The following FANCD2 variants were observed in gnomAD, a reference collection of about 807,000 sequenced individuals.
FANCD2 encodes FA complementation group D2.
FANCD2 carries 131 observed loss-of-function variants against 192.3 expected under a neutral mutation model. The observed-to-expected ratio is 0.68, with a 90% CI of 0.59 to 0.79. FANCD2 has a LOEUF of 0.79. Among genes scored for constraint, FANCD2 ranks in the 30% least tolerant of loss-of-function variants. The probability of loss-of-function intolerance (pLI) is 0.00; values close to 1 mark genes in which losing one functional copy is unlikely to be tolerated. For synonymous variants in FANCD2, 524 were observed against 612.5 expected (o/e 0.86, Z 2.13); for missense variants, 1,508 against 1,701.6 (o/e 0.89, Z 2.00).
At chr3:10,042,814 G>A (rs1423037984) in intron 11 of FANCD2, 151 bp downstream of exon 11, 1 of 788,678 alleles carries the variant, frequency 1.3e-6, no homozygotes, top group African/African-American at 1.7e-5. Flanking sequence ...ATCTATATAA[G>A]CTGCTATAAG....
At chr3:10,037,543 A>G (rs1057323264) in intron 7 of FANCD2, 3 of 152,246 alleles carry the variant, frequency 2.0e-5, no homozygotes, top group African/African-American at 4.8e-5. Flanking sequence ...ATGAAATAAT[A>G]TTAGTTTAGT....
intron 14 of FANCD2, among the ~76,000 whole-genome samples, chr3:10,046,220 A>ATTTTTT (rs1226679516): frequency 1.3e-5 from 2 of 151,610 alleles, no homozygotes; most frequent in Non-Finnish European, 2.9e-5. Context: ...CACCCGGCTA[A>ATTTTTT]TTTTTTGTAT....
At position 10,065,427 on chromosome 3, in the gene FANCD2, C is replaced by T; in HGVS notation, c.2202C>T (p.Phe734=). The T allele has an allele frequency of 1.9e-6, 3 of 1,613,970 alleles. No individual in the cohort carries two copies. Among genetic ancestry groups the T allele is most frequent in the Non-Finnish European group, 2.5e-6 (3 of 1,179,850 alleles). Residue 734 remains phenylalanine, a synonymous_variant, in exon 24 of 44, where the codon TTC becomes TTT. Transcript: ENST00000675286. ...LVSPLCLAPY[F]RLLRLCVERQ... ...CTCCGCTGTGCCTGGCTCCGTATTT[C>T]CGGTTACTGAGACTTTGTGTGGAGA...
intron 3 of FANCD2, among the ~76,000 whole-genome samples, chr3:10,033,899 G>C (rs575896189): frequency 6.6e-6 from 1 of 150,706 alleles, no homozygotes; most frequent in Non-Finnish European, 1.5e-5. Flanking sequence ...GAGTTTCACC[G>C]TGTTAGCCAG....
chr3:10,091,681 T>C (rs1355517966), intron 37 of FANCD2, among the ~76,000 whole-genome samples: 1 of 150,638 alleles, frequency 6.6e-6, no homozygotes, highest in Non-Finnish European at 1.5e-5. Context: ...CACCTCTAAC[T>C]AGAGGGAAAG....
At position 10,087,060 on chromosome 3, in the gene FANCD2, G is replaced by A. The variant is rs34197804; in HGVS notation, c.3336-74G>A. The A allele has an allele frequency of 5.7e-3, 8,837 of 1,540,542 alleles. 40 individuals carry two copies. The highest frequency in any genetic ancestry group is 8.4e-3 in the South Asian group (753 of 89,222). Reference sequence around the variant, plus strand: ...CAAACACTGAAAGGGACTTGGGCACGTCATGTGGATTTAAATATATCTGTG... The same window carrying A: ...CAAACACTGAAAGGGACTTGGGCACATCATGTGGATTTAAATATATCTGTG... On this transcript the variant is annotated intron_variant, in intron 33 of 43. Coordinates refer to ENST00000675286, the MANE Select transcript of FANCD2 (RefSeq NM_001018115.3).
At position 10,066,043 on chromosome 3, in the gene FANCD2, G is replaced by C; in HGVS notation, c.2385+64G>C. ...AGTTTTTCTCAAAACTATTTTCTTAGTTCCCACAAGACTCCCTAGAAGTCT... is the reference window on the plus strand; with the variant it reads ...AGTTTTTCTCAAAACTATTTTCTTACTTCCCACAAGACTCCCTAGAAGTCT... On this transcript the variant is annotated intron_variant, in intron 25 of 43. Transcript: ENST00000675286. 4.8e-6 allele frequency: 5 copies of C among 1,042,800 alleles called. No homozygotes were observed. The South Asian group carries it at 6.6e-5, about 14-fold the overall frequency. The allele number at this position is 1,042,800 out of a possible 1,614,324, so 64.6% of individuals were successfully genotyped here.
rs886057694 is a variant in FANCD2, at chr3:10,099,072, C to T, written c.4281+257C>T. On this transcript the variant is annotated intron_variant, in intron 43 of 43. Transcript: ENST00000675286. ...GAGTTGACAATTTTCTGCATTATAGCCTCTCATTTTCCATGAATTCATATC... is the reference window on the plus strand; with the variant it reads ...GAGTTGACAATTTTCTGCATTATAGTCTCTCATTTTCCATGAATTCATATC... 219 of 1,558,466 alleles carry T rather than the reference C, an allele frequency of 1.4e-4. No homozygotes were observed. Among genetic ancestry groups the T allele is most frequent in the Admixed American group, 7.1e-4 (37 of 51,972 alleles).
intron 26 of FANCD2, among the ~76,000 whole-genome samples, chr3:10,069,580 G>A (rs1442209301): frequency 6.7e-6 from 1 of 150,206 alleles, no homozygotes; most frequent in Non-Finnish European, 1.5e-5. Context: ...TCCTGCCTCA[G>A]CCTGCCGAGT....
At chr3:10,092,141 G>T in intron 37 of FANCD2, 40 bp from the exon 38 acceptor site, 1 of 1,307,232 alleles carries the variant, frequency 7.6e-7, no homozygotes, top group Non-Finnish European at 1.1e-6. Flanking sequence ...GGAAGTATTT[G>T]GCTGTGACTC....
chr3:10,085,791 C>A, intron 32 of FANCD2, 21 bp from the exon 33 acceptor site: 2 of 1,530,968 alleles, frequency 1.3e-6, no homozygotes, highest in East Asian at 4.5e-5. Flanking sequence ...AAGCTAACCC[C>A]TCTTACCTTG....
chr3:10,098,982 C>T, intron 43 of FANCD2, 167 bp downstream of exon 43: 1 of 1,614,002 alleles, frequency 6.2e-7, no homozygotes, highest in South Asian at 1.1e-5. Context: ...TTTTGGGACC[C>T]AGAAGAAACA....
chr3:10,061,371 C>T (rs960833487), intron 19 of FANCD2, among the ~76,000 whole-genome samples: 7 of 151,878 alleles, frequency 4.6e-5, no homozygotes, highest in African/African-American at 1.7e-4. Flanking sequence ...AGTCATCACT[C>T]CCCTGTGACA....
intron 37 of FANCD2, among the ~76,000 whole-genome samples, chr3:10,090,856 CAA>C (rs1694561787): frequency 1.3e-5 from 2 of 151,500 alleles, no homozygotes; most frequent in Admixed American, 6.6e-5. Context: ...GATTTTTTTT[CAA>C]AGAGTTCCTA....
chr3:10,069,698 G>C (rs1000804906), intron 26 of FANCD2, among the ~76,000 whole-genome samples: 2 of 152,102 alleles, frequency 1.3e-5, no homozygotes, highest in East Asian at 1.9e-4. Context: ...TCCTAACCGC[G>C]AGTGATCCGC....
intron 14 of FANCD2, 193 bp from the exon 15 acceptor site, chr3:10,046,387 A>G: frequency 3.5e-6 from 3 of 856,764 alleles, no homozygotes; most frequent in Non-Finnish European, 5.3e-6. Flanking sequence ...AATGGTTAAC[A>G]GTTGTGGCAC....
chr3:10,052,485 C>A lies in FANCD2; in HGVS notation c.1644C>A (p.Ser548Arg). 2 of 1,609,132 alleles carry A rather than the reference C, an allele frequency of 1.2e-6. No individual in the cohort carries two copies. The highest frequency in any genetic ancestry group is 8.5e-7 in the Non-Finnish European group (1 of 1,177,216). Residue 548 changes from serine to arginine, a missense_variant, in exon 18 of 44, where the codon AGC (serine) becomes AGA (arginine). Ser to Arg is a moderately radical substitution (Grantham distance 110, BLOSUM62 -1). Coordinates refer to ENST00000675286, the MANE Select transcript of FANCD2 (RefSeq NM_001018115.3). ...TLAFSKQNEA[S>R]SHIQDDMHLV... is the part of the protein sequence containing the mutation. Reference sequence around the variant, plus strand: ...CATTTAGCAAACAGAATGAAGCCAGCAGCCACATCCAGGTAAGAGGCAATA... The same window carrying A: ...CATTTAGCAAACAGAATGAAGCCAGAAGCCACATCCAGGTAAGAGGCAATA...
chr3:10,042,240 A>C (rs74584011), intron 10 of FANCD2, among the ~76,000 whole-genome samples: 2 of 152,108 alleles, frequency 1.3e-5, no homozygotes, highest in Admixed American at 6.5e-5. Context: ...GAAATCTTCC[A>C]TGTTGTCTGA....
At chr3:10,061,065 T>C (rs2087554801) in intron 19 of FANCD2, among the ~76,000 whole-genome samples, 1 of 152,218 alleles carries the variant, frequency 6.6e-6, no homozygotes, top group South Asian at 2.1e-4. Context: ...GTGCAGGACA[T>C]GCAGCCCTCC....
Sources: gnomAD v4.1 joint callset for allele counts (sites outside exome capture counted in the v4.1 genomes callset) on GRCh38, gnomAD v4.1.1 for gene constraint, MANE v1.5 for transcripts, NCBI Gene and HGNC (gene_info 2026-07-23, HGNC 2026-07-21) for gene names.